The following WFDC3 variants were observed in gnomAD, a reference collection of about 807,000 sequenced individuals.
The protein encoded by WFDC3 is WAP four-disulfide core domain 3, also known as WAP four-disulfide core domain protein 3.
In WFDC3, 15 loss-of-function variants were observed where a neutral mutation model predicts 25.8. The observed-to-expected ratio is 0.58, with a 90% CI of 0.39 to 0.89. The LOEUF (loss-of-function observed/expected upper bound fraction) is 0.89. Ranked by LOEUF, WFDC3 falls within the 40% of genes least tolerant of loss-of-function variation. The pLI, the probability that WFDC3 is intolerant of heterozygous loss-of-function variation, is 0.00. For missense variants in WFDC3, 264 were observed against 289.8 expected (o/e 0.91, Z 0.65); for synonymous variants, 103 against 107.1 (o/e 0.96, Z 0.24).
At chr20:45,776,121 C>G (rs1444288818) in intron 5 of WFDC3, among the ~76,000 whole-genome samples, 2 of 152,106 alleles carry the variant, frequency 1.3e-5, no homozygotes, top group East Asian at 3.8e-4. Context: ...AAGAGTCTGT[C>G]CTCAGCCTTG....
At chr20:45,775,396 A>G (rs1344660955) in intron 6 of WFDC3, 21 bp downstream of exon 6, 1 of 1,609,544 alleles carries the variant, frequency 6.2e-7, no homozygotes, top group African/African-American at 1.3e-5. Context: ...GTTATTGTTG[A>G]TGACAATGGA....
intron 4 of WFDC3, among the ~76,000 whole-genome samples, chr20:45,781,611 C>T (rs1466827231): frequency 6.6e-6 from 1 of 152,202 alleles, no homozygotes; most frequent in Non-Finnish European, 1.5e-5. Context: ...GCACTTAATT[C>T]TTCCAGCATG....
intron 4 of WFDC3, among the ~76,000 whole-genome samples, chr20:45,778,127 A>C (rs1980280404): frequency 6.6e-6 from 1 of 152,114 alleles, no homozygotes; most frequent in Admixed American, 6.6e-5. Context: ...GGGCTTGTCC[A>C]CTCAGAATAC....
chr20:45,786,075 C>A (rs963452809), intron 4 of WFDC3, among the ~76,000 whole-genome samples: 1 of 152,326 alleles, frequency 6.6e-6, no homozygotes, highest in African/African-American at 2.4e-5. Context: ...AAATGTCACT[C>A]CACACATGCC....
intron 4 of WFDC3, among the ~76,000 whole-genome samples, chr20:45,784,014 G>T (rs776071345): frequency 4.6e-5 from 7 of 152,208 alleles, no homozygotes; most frequent in Non-Finnish European, 8.8e-5. Context: ...CCAAGCTCCA[G>T]TGGAAAAGGA....
At chr20:45,781,754 G>T (rs1278127695) in intron 4 of WFDC3, among the ~76,000 whole-genome samples, 1 of 152,160 alleles carries the variant, frequency 6.6e-6, no homozygotes, top group African/African-American at 2.4e-5. Context: ...CTCTCAGAAG[G>T]AAAGCAGATG....
At chr20:45,783,196 G>A (rs965364292) in intron 4 of WFDC3, among the ~76,000 whole-genome samples, 2 of 152,156 alleles carry the variant, frequency 1.3e-5, no homozygotes, top group African/African-American at 4.8e-5. Flanking sequence ...GTGAGTAAAC[G>A]GATAGGTCAG....
At chr20:45,782,149 C>G (rs1980473518) in intron 4 of WFDC3, among the ~76,000 whole-genome samples, 1 of 152,158 alleles carries the variant, frequency 6.6e-6, no homozygotes, top group Admixed American at 6.5e-5. Flanking sequence ...AGAATCTTCA[C>G]TCCAAAACCT....
chr20:45,782,925 G>A (rs140691557), intron 4 of WFDC3, among the ~76,000 whole-genome samples: 338 of 152,276 alleles, frequency 2.2e-3, no homozygotes, highest in African/African-American at 7.6e-3. Flanking sequence ...GAAGACCCCC[G>A]AAAGTCTGGG....
At chr20:45,774,843 G>A (rs901711365) in intron 6 of WFDC3, among the ~76,000 whole-genome samples, 1 of 151,760 alleles carries the variant, frequency 6.6e-6, no homozygotes, top group African/African-American at 2.4e-5. Flanking sequence ...TTGGGAGGCT[G>A]AGGCAGGAGA....
chr20:45,775,446 T>C lies in WFDC3; in HGVS notation c.650A>G (p.Asn217Ser), dbSNP rs1356466793. 5.6e-6 allele frequency: 9 copies of C among 1,614,104 alleles called. No homozygotes were observed. In the African/African-American group the frequency reaches 1.1e-4, roughly 19 times the overall value. ...VLPPKLTMNP[N>S]WTVRSDSELE... ...TTCGGAATCAGACCTCACAGTCCAG[T>C]TGGGGTTCATGGTCAGTTTTGGGGG... Residue 217 changes from asparagine (N) to serine (S), a missense_variant, in exon 6 of 7, where the codon AAC (asparagine) becomes AGC (serine). Transcript: ENST00000243938.
At chr20:45,784,729 G>A (rs990101103) in intron 4 of WFDC3, among the ~76,000 whole-genome samples, 5 of 152,006 alleles carry the variant, frequency 3.3e-5, no homozygotes, top group Non-Finnish European at 5.9e-5. Context: ...CAACAATAGC[G>A]AAACTCAGTC....
intron 4 of WFDC3, among the ~76,000 whole-genome samples, chr20:45,777,499 T>G (rs1403028939): frequency 6.7e-6 from 1 of 149,834 alleles, no homozygotes; most frequent in East Asian, 2.0e-4. Context: ...TACAGGCACA[T>G]GCCATCATGC....
At chr20:45,776,935 G>A in intron 5 of WFDC3, 140 bp downstream of exon 5, 2 of 1,382,710 alleles carry the variant, frequency 1.4e-6, no homozygotes, top group Admixed American at 3.7e-5. Context: ...GGGCCCCTCG[G>A]CCCTAGAAGA....
intron 4 of WFDC3, 85 bp downstream of exon 4, chr20:45,787,751 A>T: frequency 1.4e-6 from 2 of 1,481,290 alleles, no homozygotes; most frequent in Non-Finnish European, 1.8e-6. Flanking sequence ...GCAGCAAAGT[A>T]AAACCAACAA....
Position 45,777,085 on chromosome 20 carries a change from G to A in WFDC3, c.483C>T (p.Asp161=), listed in dbSNP as rs1264936826. ...AAAGAGCCAACATACCTCCCTCAAT[G>A]TCTCCGAGGCAGGTGCGGCCACAGC... ...STGCGRTCLG[D]IEGGRGGDCP... Residue 161 remains aspartate (D), a synonymous_variant, in exon 5 of 7, where the codon GAC becomes GAT. Coordinates refer to ENST00000243938, the MANE Select transcript of WFDC3 (RefSeq NM_080614.2). 1 of 1,612,884 alleles carries A rather than the reference G, an allele frequency of 6.2e-7. No homozygotes were observed. The highest frequency in any genetic ancestry group is 1.7e-5 in the Admixed American group (1 of 59,980).
chr20:45,789,832 G>A lies in WFDC3; in HGVS notation c.82+62C>T, dbSNP rs411945. ...TGCTCTGGGAGAAGGCAGGGGATGAGTTCTCCTCTCCTCTAGTCACTTTCT... is the reference window on the plus strand; with the variant it reads ...TGCTCTGGGAGAAGGCAGGGGATGAATTCTCCTCTCCTCTAGTCACTTTCT... On this transcript the variant is annotated intron_variant, in intron 2 of 6. Coordinates refer to ENST00000243938, the MANE Select transcript of WFDC3 (RefSeq NM_080614.2). The A allele has an allele frequency of 5.3e-6, 8 of 1,497,600 alleles. No homozygotes were observed. The East Asian group carries it at 1.8e-4, about 34-fold the overall frequency. The allele number at this position is 1,497,600 out of a possible 1,614,324, so 92.8% of individuals were successfully genotyped here.
intron 4 of WFDC3, among the ~76,000 whole-genome samples, chr20:45,786,411 A>C (rs1980669469): frequency 6.6e-6 from 1 of 152,128 alleles, no homozygotes; most frequent in Non-Finnish European, 1.5e-5. Context: ...AACAAAAATA[A>C]AAGTGAGTTC....
chr20:45,777,167 TCACACGGAA>T lies in WFDC3; in HGVS notation c.392_400del (p.Leu131_Glu134delinsGln). ...GGATGCATCCCCATCACACAGCTCC[TCACACGGAA>T]GGGGGTCAGCGGGACATTCACCACC... is the stretch of plus-strand genomic sequence containing the variant. On this transcript the variant is annotated inframe_deletion, in exon 5 of 7. Coordinates refer to ENST00000243938, the MANE Select transcript of WFDC3 (RefSeq NM_080614.2). 6.2e-7 allele frequency: 1 copy of T among 1,601,906 alleles called. No homozygotes were observed.
Sources: allele counts gnomAD v4.1 joint callset (sites outside exome capture counted in the v4.1 genomes callset), GRCh38; gene constraint gnomAD v4.1.1; transcripts MANE v1.5; gene names NCBI Gene and HGNC (gene_info 2026-07-23, HGNC 2026-07-21).